FUCA1: variants seen among roughly 807,000 people sequenced by gnomAD.
FUCA1 encodes the protein alpha-L-fucosidase 1.
In FUCA1, 52 loss-of-function variants were observed where a neutral mutation model predicts 56.8. That is an observed-to-expected ratio of 0.92 (90% CI 0.73 to 1.15). FUCA1 has a LOEUF of 1.15. Ranked by LOEUF, FUCA1 falls within the 50% of genes most tolerant of loss-of-function variation. The pLI, the probability that FUCA1 is intolerant of heterozygous loss-of-function variation, is 0.00. For synonymous variants in FUCA1, 230 were observed against 226.6 expected, an observed-to-expected ratio of 1.02 and a Z score of -0.14; for missense variants, 568 against 592.6, an observed-to-expected ratio of 0.96 and a Z score of 0.43.
chr1:23,863,891 G>A (rs1639564909), intron 2 of FUCA1, among the ~76,000 whole-genome samples: 1 of 151,670 alleles, frequency 6.6e-6, no homozygotes, highest in Admixed American at 6.6e-5. Context: ...AAACCATATA[G>A]CCTTATTTTT....
Position 23,845,697 on chromosome 1 carries a change from C to T in FUCA1, c.*18G>A, listed in dbSNP as rs747046108. ...GGAAAACAGTGAGCAGCGCCTCTTT[C>T]TTCTTGCACTCAAATGATTACTTCA... is the stretch of plus-strand genomic sequence containing the variant. On this transcript the variant is annotated 3_prime_UTR_variant, in exon 8 of 8. Coordinates refer to ENST00000374479, the MANE Select transcript of FUCA1 (RefSeq NM_000147.5). 3 of 1,614,142 alleles carry T rather than the reference C, an allele frequency of 1.9e-6. No individual in the cohort carries two copies. Among genetic ancestry groups the T allele is most frequent in the East Asian group, 4.5e-5 (2 of 44,884 alleles).
At chr1:23,853,318 G>A (rs1294262904) in intron 5 of FUCA1, among the ~76,000 whole-genome samples, 9 of 151,650 alleles carry the variant, frequency 5.9e-5, no homozygotes, top group Admixed American at 3.3e-4. Context: ...GTCTCTGCCC[G>A]GCAGCCACCC....
chr1:23,865,374 G>A, intron 2 of FUCA1, 117 bp downstream of exon 2: 1 of 1,349,484 alleles, frequency 7.4e-7, no homozygotes, highest in Non-Finnish European at 1.1e-6. Context: ...AAGGCCAAAA[G>A]CCCTTCAGGC....
chr1:23,868,177 T>C lies in FUCA1; in HGVS notation c.110A>G (p.Tyr37Cys), dbSNP rs1459953368. The C allele has an allele frequency of 6.2e-7, 1 of 1,605,886 alleles. No individual in the cohort carries two copies. Among genetic ancestry groups the C allele is most frequent in the Non-Finnish European group, 8.5e-7 (1 of 1,177,380 alleles). ...SVRRAQPPRR[Y>C]TPDWPSLDSR... ...ATCCAGGCTCGGCCAGTCTGGGGTGTAGCGGCGCGGAGGCTGGGCCCGACG... is the reference window on the plus strand; with the variant it reads ...ATCCAGGCTCGGCCAGTCTGGGGTGCAGCGGCGCGGAGGCTGGGCCCGACG... The change falls in exon 1 of 8, where the codon TAC (tyrosine) becomes TGC (cysteine). Residue 37 changes from tyrosine (Y) to cysteine (C), a missense_variant. Physicochemically the swap from Tyr to Cys is radical, Grantham distance 194. Transcript: ENST00000374479.
intron 4 of FUCA1, 114 bp downstream of exon 4, chr1:23,859,684 C>A: frequency 1.4e-6 from 1 of 710,348 alleles, no homozygotes; most frequent in Non-Finnish European, 2.6e-6. Flanking sequence ...CTACTGCCCC[C>A]ATGTTGATAT....
chr1:23,857,167 G>A (rs1469335366), intron 4 of FUCA1, among the ~76,000 whole-genome samples: 1 of 151,968 alleles, frequency 6.6e-6, no homozygotes, highest in African/African-American at 2.4e-5. Context: ...GTAACCTCAC[G>A]TAGCAAGCGA....
chr1:23,853,725 ATTC>A (rs1639328085), intron 5 of FUCA1, among the ~76,000 whole-genome samples: 1 of 151,170 alleles, frequency 6.6e-6, no homozygotes, highest in Admixed American at 6.6e-5. Flanking sequence ...ACTAAGAAAA[ATTC>A]TTCTGCCTTG....
Position 23,852,222 on chromosome 1 carries a change from A to G in FUCA1, c.969+2138T>C, listed in dbSNP as rs547619681. ...GATCTCTTGAGGCCAGGAGTTTGAG[A>G]CCAGCCTGGGCAACATAGCAAGACC... On this transcript the variant is annotated intron_variant, in intron 5 of 7. Coordinates refer to ENST00000374479, the MANE Select transcript of FUCA1 (RefSeq NM_000147.5). Among the ~76,000 whole-genome samples the G allele has an allele frequency of 9.1e-3, 1,387 of 151,778 alleles. 24 individuals carry two copies. Among genetic ancestry groups the G allele is most frequent in the African/African-American group, 0.03 (1,246 of 41,356 alleles).
At chr1:23,846,693 TGC>T (rs1328973378) in intron 6 of FUCA1, among the ~76,000 whole-genome samples, 1 of 152,142 alleles carries the variant, frequency 6.6e-6, no homozygotes, top group Non-Finnish European at 1.5e-5. Flanking sequence ...GCAATTCTCC[TGC>T]CTCAGGCTCC....
At position 23,845,641 on chromosome 1, in the gene FUCA1, G is replaced by A; in HGVS notation, c.*74C>T. The A allele has an allele frequency of 1.3e-6, 2 of 1,576,300 alleles. No individual in the cohort carries two copies. The highest frequency in any genetic ancestry group is 1.1e-5 in the South Asian group (1 of 90,204). ...GGAGAAGAGAAGTTCGTTGATTATA[G>A]TGATGGTACTATAAGAGAAAAACTG... On this transcript the variant is annotated 3_prime_UTR_variant, in exon 8 of 8. Coordinates refer to ENST00000374479, the MANE Select transcript of FUCA1 (RefSeq NM_000147.5).
Position 23,867,935 on chromosome 1 carries a change from C to T in FUCA1, c.352G>A (p.Glu118Lys). 2 of 1,562,406 alleles carry T rather than the reference C, an allele frequency of 1.3e-6. No individual in the cohort carries two copies. Among genetic ancestry groups the T allele is most frequent in the Non-Finnish European group, 1.7e-6 (2 of 1,154,014 alleles). The change falls in exon 1 of 8, where the codon GAG becomes AAG. Residue 118 changes from glutamate to lysine, a missense_variant. By Grantham distance (56) the Glu-to-Lys change is moderately conservative. Transcript: ENST00000374479. This position sits in a 1 kb window ranked among gnomAD's most constrained non-coding sequence, Gnocchi z 4.9. Reference protein sequence around the residue: ...PQFTARFFHPEEWADLFQAAG... With the variant: ...PQFTARFFHPKEWADLFQAAG... ...GCCTGGAAGAGGTCGGCCCACTCCTCCGGGTGGAAGAAGCGCGCAGTGAAC... is the reference window on the plus strand; with the variant it reads ...GCCTGGAAGAGGTCGGCCCACTCCTTCGGGTGGAAGAAGCGCGCAGTGAAC...
Position 23,867,710 on chromosome 1 carries a change from C to G in FUCA1, c.389+188G>C, listed in dbSNP as rs1031887309. On this transcript the variant is annotated intron_variant, in intron 1 of 7. Transcript: ENST00000374479. The surrounding 1 kb of genome is among the most constrained non-coding windows in gnomAD (Gnocchi z 4.9). ...TCCCTGAACCTTCATTTATCAGTCCCCAGTCAAACGCACCTCCTCCTCCTC... is the reference window on the plus strand; with the variant it reads ...TCCCTGAACCTTCATTTATCAGTCCGCAGTCAAACGCACCTCCTCCTCCTC... The G allele has an allele frequency of 8.1e-6, 8 of 985,178 alleles. No homozygotes were observed. Among genetic ancestry groups the G allele is most frequent in the Non-Finnish European group, 9.6e-6 (8 of 829,716 alleles). The allele number at this position is 985,178 out of a possible 1,614,324, so 61.0% of individuals were successfully genotyped here. A position where few individuals can be genotyped will look rare whatever the true frequency, so the allele number is the denominator to read the frequency against.
At chr1:23,854,328 AAC>A (rs768632601) in intron 5 of FUCA1, 30 bp downstream of exon 5, 22 of 1,578,422 alleles carry the variant, frequency 1.4e-5, no homozygotes, top group East Asian at 2.2e-5. Flanking sequence ...AAAAAAAAAA[AAC>A]AAAAACAAAA....
At chr1:23,862,810 A>C (rs1192000606) in intron 3 of FUCA1, among the ~76,000 whole-genome samples, 2 of 152,174 alleles carry the variant, frequency 1.3e-5, no homozygotes, top group Non-Finnish European at 2.9e-5. Context: ...TCAAACACAA[A>C]TCTGCCCGAT....
At chr1:23,857,066 T>C (rs1008271630) in intron 4 of FUCA1, among the ~76,000 whole-genome samples, 1 of 151,928 alleles carries the variant, frequency 6.6e-6, no homozygotes. Flanking sequence ...TAAATGACAC[T>C]GGGGTTGATA....
At chr1:23,852,461 C>G (rs938937707) in intron 5 of FUCA1, among the ~76,000 whole-genome samples, 2 of 144,748 alleles carry the variant, frequency 1.4e-5, no homozygotes, top group Admixed American at 6.8e-5. Context: ...CTCTCCCTCT[C>G]CCCCCTCTCC....
intron 4 of FUCA1, among the ~76,000 whole-genome samples, chr1:23,857,815 G>A (rs1240952406): frequency 6.7e-6 from 1 of 149,256 alleles, no homozygotes; most frequent in African/African-American, 2.5e-5. Context: ...CTACAGGCAT[G>A]TAAAAATTAG....
At chr1:23,853,132 C>G (rs1318427952) in intron 5 of FUCA1, among the ~76,000 whole-genome samples, 1 of 147,794 alleles carries the variant, frequency 6.8e-6, no homozygotes, top group Admixed American at 6.7e-5. Flanking sequence ...CCCGCCGCCC[C>G]GTCTGGGATG....
intron 5 of FUCA1, among the ~76,000 whole-genome samples, chr1:23,851,711 C>T (rs1371115725): frequency 6.6e-6 from 1 of 152,068 alleles, no homozygotes; most frequent in Non-Finnish European, 1.5e-5. Context: ...TTTGCAGGGA[C>T]ATGGATGAAG....
Sources: allele counts gnomAD v4.1 joint callset (sites outside exome capture counted in the v4.1 genomes callset), GRCh38; gene constraint gnomAD v4.1.1; non-coding constraint Gnocchi (gnomAD v3.1); transcripts MANE v1.5; gene names NCBI Gene and HGNC (gene_info 2026-07-23, HGNC 2026-07-21).